Variants in NAV1 observed in about 807,000 individuals in gnomAD.
The protein encoded by NAV1 is pore membrane and/or filament interacting like protein 3.
A neutral mutation model predicts 175.2 loss-of-function variants in NAV1; 18 were observed. The ratio of observed to expected loss-of-function variants is 0.10; its 90% CI spans 0.07 to 0.15. The LOEUF (loss-of-function observed/expected upper bound fraction) is 0.15, where lower values mean the gene tolerates loss of function less well. Ranked by LOEUF, NAV1 falls within the 10% of genes least tolerant of loss-of-function variation. The pLI, the probability that NAV1 is intolerant of heterozygous loss-of-function variation, is 1.00. For synonymous variants in NAV1, 897 were observed against 978.7 expected, an observed-to-expected ratio of 0.92 and a Z score of 1.56; for missense variants, 1,731 against 2,436.6, an observed-to-expected ratio of 0.71 and a Z score of 6.10.
intron 3 of NAV1, among the ~76,000 whole-genome samples, chr1:201,733,941 C>A (rs1001504417): frequency 6.6e-6 from 1 of 152,062 alleles, no homozygotes; most frequent in Admixed American, 6.5e-5. Flanking sequence ...ACGATGTGAT[C>A]CAACATGTTT....
Position 201,782,545 on chromosome 1 carries a change from A to C in NAV1, c.2033A>C (p.Lys678Thr). The C allele has an allele frequency of 6.2e-7, 1 of 1,611,390 alleles. No individual in the cohort carries two copies. The highest frequency in any genetic ancestry group is 1.1e-5 in the South Asian group (1 of 91,048). Residue 678 changes from lysine (K) to threonine (T), a missense_variant, in exon 6 of 30, where the codon AAG (lysine) becomes ACG (threonine). Physicochemically the swap from Lys to Thr is moderately conservative, Grantham distance 78. Around this residue, in one of 13 missense-constraint regions of NAV1, gnomAD observed 634 missense variants for 766.8 expected, o/e 0.83. Coordinates refer to ENST00000367296, the Ensembl canonical transcript of NAV1. This position sits in a 1 kb window ranked among gnomAD's most constrained non-coding sequence, Gnocchi z 5.4. ...TACCGCAGCCTGCCCCGGCCAGCCA[A>C]GTCAAGTTCTATGAGCGTGACCGGC...
At chr1:201,672,309 A>G (rs181312318) in intron 1 of NAV1, among the ~76,000 whole-genome samples, 152 of 152,252 alleles carry the variant, frequency 1.0e-3, no homozygotes, top group African/African-American at 2.9e-3. Flanking sequence ...TTTTTTTTCA[A>G]TTGCTGGTTG....
chr1:201,566,967 A>T (rs1666371785), intron 1 of NAV1, among the ~76,000 whole-genome samples: 2 of 152,200 alleles, frequency 1.3e-5, no homozygotes, highest in African/African-American at 4.8e-5. Context: ...AATTTGCTCA[A>T]CTATCTGTGA....
intron 3 of NAV1, among the ~76,000 whole-genome samples, chr1:201,720,444 C>T (rs562642229): frequency 3.3e-5 from 5 of 152,344 alleles, no homozygotes; most frequent in South Asian, 4.1e-4. Context: ...CCCAGCACAG[C>T]TCCCAAACTG....
At chr1:201,758,775 T>G (rs1457873246) in intron 3 of NAV1, among the ~76,000 whole-genome samples, 2 of 152,234 alleles carry the variant, frequency 1.3e-5, no homozygotes, top group African/African-American at 4.8e-5. Flanking sequence ...TAATTTAGTT[T>G]TGCTATTCTG....
At chr1:201,680,126 G>T (rs964543142) in intron 1 of NAV1, among the ~76,000 whole-genome samples, 2 of 152,296 alleles carry the variant, frequency 1.3e-5, no homozygotes, top group East Asian at 3.9e-4. Flanking sequence ...TTTTGGTGAG[G>T]CCTCAGGGAG....
chr1:201,766,973 C>T (rs1003458448), intron 3 of NAV1, among the ~76,000 whole-genome samples: 1 of 151,770 alleles, frequency 6.6e-6, no homozygotes, highest in Non-Finnish European at 1.5e-5. Context: ...AGGCACGCAC[C>T]ACCACACCCA....
At chr1:201,820,596 C>T (rs1679326599) in exon 30 of NAV1, 1 of 152,290 alleles carries the variant, frequency 6.6e-6, no homozygotes, top group African/African-American at 2.4e-5. Flanking sequence ...CGCTCCTGCC[C>T]TCTGGATGAC....
At chr1:201,592,585 A>C (rs1667232539) in intron 2 of NAV1, among the ~76,000 whole-genome samples, 1 of 152,076 alleles carries the variant, frequency 6.6e-6, no homozygotes, top group Admixed American at 6.5e-5. Context: ...TCAGTCAGTA[A>C]ATCGGGGTCA....
chr1:201,607,876 G>T (rs1011932710), intron 2 of NAV1, among the ~76,000 whole-genome samples: 1 of 118,674 alleles, frequency 8.4e-6, no homozygotes, highest in African/African-American at 2.8e-5. Flanking sequence ...TTTATTGTGT[G>T]TGTGTGTGTG....
At chr1:201,576,242 A>G (rs79443800) in intron 1 of NAV1, among the ~76,000 whole-genome samples, 5,249 of 152,356 alleles carry the variant, frequency 0.034, 131 homozygotes, top group Middle Eastern at 0.058. Context: ...CAAGAATGTT[A>G]TATGAATGGA....
At chr1:201,637,307 G>A (rs1222934853) in intron 2 of NAV1, among the ~76,000 whole-genome samples, 1 of 152,158 alleles carries the variant, frequency 6.6e-6, no homozygotes, top group African/African-American at 2.4e-5. Context: ...CTTTTTTAGA[G>A]TCAGGAATCT....
intron 1 of NAV1, among the ~76,000 whole-genome samples, chr1:201,691,395 C>T (rs1670935568): frequency 6.6e-6 from 1 of 152,238 alleles, no homozygotes; most frequent in South Asian, 2.1e-4. Flanking sequence ...AGGAAGCAAA[C>T]CAAAAGGCAG....
chr1:201,602,098 GA>G (rs112706038), intron 2 of NAV1, among the ~76,000 whole-genome samples: 8,351 of 151,734 alleles, frequency 0.055, 482 homozygotes, highest in African/African-American at 0.15. Context: ...GGTCTAAAAT[GA>G]AAAAAAACAC....
intron 28 of NAV1, among the ~76,000 whole-genome samples, chr1:201,815,852 C>CTT (rs1163331374): frequency 2.6e-5 from 4 of 152,126 alleles, no homozygotes; most frequent in Non-Finnish European, 5.9e-5. Flanking sequence ...GATTCTCCTG[C>CTT]CTCAGCCTCC....
rs1025364674 is a variant in NAV1, at chr1:201,539,821, C to G, written c.-144+479C>G. ...ATCCCAGCAGGAGCCAGAGGAACAGCTGGGGCAGGTGACCTCGCGGGCCGT... is the reference window on the plus strand; with the variant it reads ...ATCCCAGCAGGAGCCAGAGGAACAGGTGGGGCAGGTGACCTCGCGGGCCGT... On this transcript the variant is annotated intron_variant, in intron 1 of 33. Coordinates refer to the NAV1 transcript ENST00000685211. This position sits in a 1 kb window ranked among gnomAD's most constrained non-coding sequence, Gnocchi z 5.6. Among the ~76,000 whole-genome samples, 1 of 152,206 alleles carries G rather than the reference C, an allele frequency of 6.6e-6. No homozygotes were observed. Among genetic ancestry groups the G allele is most frequent in the Admixed American group, 6.5e-5 (1 of 15,282 alleles).
chr1:201,691,233 C>T (rs1030385447), intron 1 of NAV1, among the ~76,000 whole-genome samples: 1 of 152,194 alleles, frequency 6.6e-6, no homozygotes, highest in Non-Finnish European at 1.5e-5. Context: ...AAAATGTCTC[C>T]AGACATCACC....
intron 1 of NAV1, among the ~76,000 whole-genome samples, chr1:201,584,689 T>C (rs1437084025): frequency 1.3e-5 from 2 of 152,170 alleles, no homozygotes; most frequent in Non-Finnish European, 2.9e-5. Flanking sequence ...TCTGAATCCA[T>C]AAGAAACCGC....
At chr1:201,734,504 G>GAAGAAGAAGAAT (rs1291530275) in intron 3 of NAV1, among the ~76,000 whole-genome samples, 1 of 150,366 alleles carries the variant, frequency 6.7e-6, no homozygotes, top group Non-Finnish European at 1.5e-5. Flanking sequence ...AGAAGGAGAA[G>GAAGAAGAAGAAT]AAGAAGAAGA....
Sources: gnomAD v4.1 joint callset for allele counts (sites outside exome capture counted in the v4.1 genomes callset) on GRCh38, gnomAD v4.1.1 for gene constraint, gnomAD v4.1.1 regional missense constraint, Gnocchi (gnomAD v3.1) non-coding constraint, MANE v1.5 for transcripts, NCBI Gene and HGNC (gene_info 2026-07-23, HGNC 2026-07-21) for gene names.